The following IL1RAPL1 variants were observed in gnomAD, a reference collection of about 807,000 sequenced individuals.
IL1RAPL1 encodes interleukin 1 receptor accessory protein like 1.
In IL1RAPL1, 3 loss-of-function variants were observed where a neutral mutation model predicts 48.4. The observed-to-expected ratio is 0.06, with a 90% CI of 0.03 to 0.16. The LOEUF (loss-of-function observed/expected upper bound fraction) is 0.16. Among genes scored for constraint, IL1RAPL1 ranks in the 10% least tolerant of loss-of-function variants. The pLI is 1.00. For synonymous variants in IL1RAPL1, 185 were observed against 187.7 expected (o/e 0.99, Z 0.12); for missense variants, 349 against 530.6 (o/e 0.66, Z 3.36).
chrX:28,991,725 A>G (rs925305994), intron 2 of IL1RAPL1, among the ~76,000 whole-genome samples: 4 of 112,405 alleles, frequency 3.6e-5, no homozygotes, highest in African/African-American at 9.7e-5. Context: ...GAGTTCTGAG[A>G]TAGAATTTTA....
intron 5 of IL1RAPL1, among the ~76,000 whole-genome samples, chrX:29,444,949 A>T (rs1419114015): frequency 8.9e-6 from 1 of 112,310 alleles, no homozygotes; most frequent in Non-Finnish European, 1.9e-5. Flanking sequence ...CAAAAACATC[A>T]TCACCATGAA....
intron 5 of IL1RAPL1, among the ~76,000 whole-genome samples, chrX:29,508,371 G>A (rs1935358481): frequency 9.0e-6 from 1 of 111,156 alleles, no homozygotes; most frequent in African/African-American, 3.3e-5. Flanking sequence ...CAAAAAGAAG[G>A]GTGTCTGTCT....
chrX:29,341,898 C>T (rs1569290683), intron 3 of IL1RAPL1, among the ~76,000 whole-genome samples: 1 of 110,668 alleles, frequency 9.0e-6, no homozygotes. Flanking sequence ...CCTCTGCCTC[C>T]CGGGTTCAAG....
At chrX:29,709,412 C>G (rs1279945718) in intron 6 of IL1RAPL1, among the ~76,000 whole-genome samples, 1 of 111,491 alleles carries the variant, frequency 9.0e-6, no homozygotes, top group Non-Finnish European at 1.9e-5. Context: ...CGCCATTTCC[C>G]CATTGTGTTT....
At chrX:29,793,383 G>A (rs1407351749) in intron 6 of IL1RAPL1, among the ~76,000 whole-genome samples, 1 of 112,343 alleles carries the variant, frequency 8.9e-6, no homozygotes, top group Non-Finnish European at 1.9e-5. Flanking sequence ...GGTTGGGAAG[G>A]TTATCAAGAG....
chrX:29,548,164 T>G (rs772190879), intron 5 of IL1RAPL1, among the ~76,000 whole-genome samples: 1 of 112,824 alleles, frequency 8.9e-6, no homozygotes, highest in South Asian at 3.6e-4. Flanking sequence ...CCTTTGACCC[T>G]AACTTGTTCC....
intron 2 of IL1RAPL1, among the ~76,000 whole-genome samples, chrX:29,014,641 T>G (rs187590551): frequency 1.8e-5 from 2 of 112,119 alleles, no homozygotes; most frequent in East Asian, 5.6e-4. Flanking sequence ...AGCCATTTTT[T>G]ATTTATGAAT....
At chrX:28,827,838 A>G (rs771546220) in intron 2 of IL1RAPL1, among the ~76,000 whole-genome samples, 1 of 112,219 alleles carries the variant, frequency 8.9e-6, no homozygotes, top group Non-Finnish European at 1.9e-5. Context: ...TAGTCATTCT[A>G]AAAGTTTAAT....
intron 5 of IL1RAPL1, among the ~76,000 whole-genome samples, chrX:29,449,676 A>G (rs1026521254): frequency 1.3e-4 from 14 of 107,054 alleles, no homozygotes; most frequent in Non-Finnish European, 2.5e-4. Flanking sequence ...GGAGAAACCA[A>G]CTGGTGAAGA....
chrX:29,360,235 T>A (rs1474347468), intron 3 of IL1RAPL1, among the ~76,000 whole-genome samples: 4 of 111,850 alleles, frequency 3.6e-5, no homozygotes, highest in Non-Finnish European at 7.5e-5. Context: ...ACTTAATGAG[T>A]TTAAATAACT....
intron 6 of IL1RAPL1, among the ~76,000 whole-genome samples, chrX:29,691,427 T>A (rs1185321858): frequency 9.0e-6 from 1 of 111,660 alleles, no homozygotes; most frequent in African/African-American, 3.3e-5. Context: ...GAATCTTGAA[T>A]GCTAGTGATT....
intron 5 of IL1RAPL1, among the ~76,000 whole-genome samples, chrX:29,587,115 A>G (rs1336284342): frequency 9.0e-6 from 1 of 111,064 alleles, no homozygotes; most frequent in Admixed American, 9.7e-5. Flanking sequence ...CAAAGCTGGG[A>G]CTGCTGAAAG....
At chrX:29,430,652 GTATC>G (rs1934411426) in intron 5 of IL1RAPL1, among the ~76,000 whole-genome samples, 1 of 109,486 alleles carries the variant, frequency 9.1e-6, no homozygotes, top group East Asian at 2.9e-4. Context: ...GATTTGGTCT[GTATC>G]TACATAAATT....
At chrX:28,767,533 AT>A (rs1340914204) in intron 1 of IL1RAPL1, among the ~76,000 whole-genome samples, 1 of 110,523 alleles carries the variant, frequency 9.0e-6, no homozygotes, top group Non-Finnish European at 1.9e-5. Context: ...TTAATTAGGG[AT>A]TTTTTTTCCC....
At chrX:29,217,102 A>G (rs1219523006) in intron 2 of IL1RAPL1, among the ~76,000 whole-genome samples, 4 of 112,301 alleles carry the variant, frequency 3.6e-5, no homozygotes, top group African/African-American at 1.3e-4. Context: ...TCAAGGGATG[A>G]TAAAGCCTTA....
intron 2 of IL1RAPL1, among the ~76,000 whole-genome samples, chrX:29,110,315 A>G (rs541062623): frequency 1.8e-5 from 2 of 112,026 alleles, no homozygotes; most frequent in African/African-American, 6.5e-5. Context: ...TGGTTCGAAT[A>G]TAGAAATTAT....
At chrX:28,903,454 G>A (rs1285805173) in intron 2 of IL1RAPL1, among the ~76,000 whole-genome samples, 1 of 106,069 alleles carries the variant, frequency 9.4e-6, no homozygotes, top group African/African-American at 3.5e-5. Context: ...TTGATCACAG[G>A]CATGAGCCAC....
chrX:28,903,561 A>G (rs912761523), intron 2 of IL1RAPL1, among the ~76,000 whole-genome samples: 3 of 110,060 alleles, frequency 2.7e-5, no homozygotes, highest in African/African-American at 9.9e-5. Flanking sequence ...ATGTAGTGTT[A>G]AAGAAGGTGT....
chrX:29,186,122 A>G (rs928615313), intron 2 of IL1RAPL1, among the ~76,000 whole-genome samples: 1 of 112,196 alleles, frequency 8.9e-6, no homozygotes, highest in African/African-American at 3.2e-5. Context: ...TTGATGTGTG[A>G]AGGTTTTTTT....
Sources: allele counts gnomAD v4.1 joint callset (sites outside exome capture counted in the v4.1 genomes callset), GRCh38; gene constraint gnomAD v4.1.1; transcripts MANE v1.5; gene names NCBI Gene and HGNC (gene_info 2026-07-23, HGNC 2026-07-21).